Variants in ENPP6 observed in about 807,000 individuals in gnomAD.
ENPP6 encodes the protein glycerophosphocholine cholinephosphodiesterase ENPP6.
Under a neutral mutation model 42.0 loss-of-function variants are expected in ENPP6, and 32 were observed. That is an observed-to-expected ratio of 0.76 (90% CI 0.58 to 1.02). The LOEUF (loss-of-function observed/expected upper bound fraction) is 1.02. Among genes scored for constraint, ENPP6 ranks in the 50% least tolerant of loss-of-function variants. The pLI is 0.00. For synonymous variants in ENPP6, 213 were observed against 216.0 expected (o/e 0.99, Z 0.12); for missense variants, 552 against 566.8 (o/e 0.97, Z 0.27).
In ENPP6 at chr4:184,169,994, T is replaced by TACTG. The variant is rs1286898663; in HGVS notation, c.242-16265_242-16262dup. Among the ~76,000 whole-genome samples the TACTG allele has an allele frequency of 2.0e-5, 3 of 152,234 alleles. No homozygotes were observed. In the East Asian group the frequency reaches 5.8e-4, roughly 29 times the overall value. ...TAAATACTTCTGTGCCTGTCTCTAGTACTGAGGTACTTTTAAAAAAACATA... is the reference window on the plus strand; with the variant it reads ...TAAATACTTCTGTGCCTGTCTCTAGTACTGACTGAGGTACTTTTAAAAAAACATA... On this transcript the variant is annotated intron_variant, in intron 1 of 7. Transcript: ENST00000296741.
At chr4:184,137,560 A>G (rs1037485664) in intron 2 of ENPP6, among the ~76,000 whole-genome samples, 8 of 152,222 alleles carry the variant, frequency 5.3e-5, no homozygotes, top group African/African-American at 1.9e-4. Flanking sequence ...GTGAGCACAC[A>G]GTTTTGCTCA....
chr4:184,097,232 T>C lies in ENPP6; in HGVS notation c.1117+13A>G. 6.2e-7 allele frequency: 1 copy of C among 1,614,100 alleles called. No individual in the cohort carries two copies. Among genetic ancestry groups the C allele is most frequent in the Non-Finnish European group, 8.5e-7 (1 of 1,179,986 alleles). On this transcript the variant is annotated intron_variant, in intron 7 of 7. Transcript: ENST00000296741. Reference sequence around the variant, plus strand: ...AATGGGGTCTGAGAGCATCTGGTCATTTCCTCGCCTACCAGGTCCGAAGGC... The same window carrying C: ...AATGGGGTCTGAGAGCATCTGGTCACTTCCTCGCCTACCAGGTCCGAAGGC...
intron 5 of ENPP6, among the ~76,000 whole-genome samples, chr4:184,116,051 T>TAA (rs1006432047): frequency 1.8e-4 from 25 of 142,584 alleles, no homozygotes; most frequent in African/African-American, 5.6e-4. Context: ...CCGTCTCTAC[T>TAA]AAAAAAAAAA....
At chr4:184,161,026 AC>A (rs1451124274) in intron 1 of ENPP6, among the ~76,000 whole-genome samples, 2 of 152,218 alleles carry the variant, frequency 1.3e-5, no homozygotes, top group Admixed American at 6.5e-5. Context: ...AACAAACACA[AC>A]AAAAACAAAA....
intron 2 of ENPP6, among the ~76,000 whole-genome samples, chr4:184,132,906 C>T (rs1736664021): frequency 6.6e-6 from 1 of 150,948 alleles, no homozygotes; most frequent in African/African-American, 2.4e-5. Context: ...TCTTTTATCA[C>T]TTTGTGGGAG....
chr4:184,174,920 CTT>C (rs1165464288), intron 1 of ENPP6, among the ~76,000 whole-genome samples: 1 of 152,246 alleles, frequency 6.6e-6, no homozygotes. Context: ...CTTACTGTCT[CTT>C]GTTTTCACTC....
intron 1 of ENPP6, among the ~76,000 whole-genome samples, chr4:184,167,818 G>T (rs867012087): frequency 1.7e-4 from 26 of 152,174 alleles, no homozygotes; most frequent in African/African-American, 5.1e-4. Flanking sequence ...GATCACCGGT[G>T]ATCTGCATAT....
At chr4:184,191,935 C>T (rs1231986635) in intron 1 of ENPP6, among the ~76,000 whole-genome samples, 3 of 152,074 alleles carry the variant, frequency 2.0e-5, no homozygotes, top group Admixed American at 6.5e-5. Context: ...AAAGAAGTAC[C>T]AAATGTACGC....
intron 1 of ENPP6, among the ~76,000 whole-genome samples, chr4:184,163,658 C>T (rs1737302659): frequency 6.6e-6 from 1 of 152,198 alleles, no homozygotes; most frequent in Non-Finnish European, 1.5e-5. Flanking sequence ...AGGAATTCCT[C>T]AATTGCATGA....
chr4:184,191,312 G>T (rs1249698846), intron 1 of ENPP6, among the ~76,000 whole-genome samples: 3 of 152,188 alleles, frequency 2.0e-5, no homozygotes. Flanking sequence ...CTACTTTATA[G>T]GGTTTTATGA....
intron 6 of ENPP6, among the ~76,000 whole-genome samples, chr4:184,111,918 T>C (rs1736201982): frequency 6.6e-6 from 1 of 152,232 alleles, no homozygotes. Context: ...TACTCTCATG[T>C]ACCCTGGAGC....
chr4:184,091,445 G>C, intron 7 of ENPP6, 63 bp from the exon 8 acceptor site: 1 of 1,443,964 alleles, frequency 6.9e-7, no homozygotes. Flanking sequence ...TGGGCTGAAC[G>C]CAATAAAGAA....
In ENPP6 at chr4:184,101,446, C is replaced by T. The variant is rs529327038; in HGVS notation, c.994-4078G>A. 4.6e-5 allele frequency among the ~76,000 whole-genome samples: 7 copies of T among 151,906 alleles called. No individual in the cohort carries two copies. In the South Asian group the frequency reaches 1.5e-3, roughly 32 times the overall value. On this transcript the variant is annotated intron_variant, in intron 6 of 7. Coordinates refer to ENST00000296741, the MANE Select transcript of ENPP6 (RefSeq NM_153343.4). ...GGGTGGGGTCGCTCCAAGGGTCCTG[C>T]AGTGACAGAATCCTGGAACTCCAAG...
rs538397042 is a variant in ENPP6, at chr4:184,206,551, C to T, written c.241+11028G>A. Among the ~76,000 whole-genome samples the T allele has an allele frequency of 4.6e-5, 7 of 152,218 alleles. No homozygotes were observed. The South Asian group carries it at 8.3e-4, about 18-fold the overall frequency. ...GATTACAGGCGTGAGCCACCGCGCC[C>T]GGCCAGGAAGCTTGAATTCTGCAGA... On this transcript the variant is annotated intron_variant, in intron 1 of 7. Transcript: ENST00000296741.
chr4:184,139,168 A>G (rs1736778821), intron 2 of ENPP6, among the ~76,000 whole-genome samples: 2 of 152,232 alleles, frequency 1.3e-5, no homozygotes, highest in African/African-American at 4.8e-5. Flanking sequence ...CAAAAGGGAA[A>G]ACATCTGCCC....
rs764988271 is a variant in ENPP6, at chr4:184,124,191, T to C, written c.503A>G (p.Asn168Ser). The change falls in exon 3 of 8, where the codon AAT (asparagine) becomes AGT (serine). Residue 168 changes from asparagine (N) to serine (S), a missense_variant. Asn to Ser is a conservative substitution (Grantham distance 46). Around this residue, in one of 2 missense-constraint regions of ENPP6, gnomAD observed 545 missense variants for 546.3 expected, o/e 1.00. Coordinates refer to ENST00000296741, the MANE Select transcript of ENPP6 (RefSeq NM_153343.4). ...GGAGTCAAGAGCATCGCTGACTGCA[T>C]TGGCAAAATTGATATCCGTTGGGAC... ...KNVPTDINFANAVSDALDSFK... is the reference protein window; with the variant it reads ...KNVPTDINFASAVSDALDSFK... The C allele has an allele frequency of 5.0e-6, 8 of 1,614,018 alleles. No homozygotes were observed. The highest frequency in any genetic ancestry group is 1.6e-4 in the Middle Eastern group (1 of 6,062).
At chr4:184,162,547 A>AGAAGGAGGGAGGGAAGGAGGGAAG (rs112158447) in intron 1 of ENPP6, among the ~76,000 whole-genome samples, 845 of 34,552 alleles carry the variant, frequency 0.024, 18 homozygotes, top group South Asian at 0.23. Context: ...GAGGGAGGGA[A>AGAAGGAGGGAGGGAAGGAGGGAAG]GAAGGAAGGA....
chr4:184,142,712 T>C lies in ENPP6; in HGVS notation c.421+10842A>G, dbSNP rs79684504. On this transcript the variant is annotated intron_variant, in intron 2 of 7. Coordinates refer to ENST00000296741, the MANE Select transcript of ENPP6 (RefSeq NM_153343.4). ...CCTACTGGGCACACAAAGTGACTAA[T>C]AGGAAACCAAGATGAGAGGGAACGT... Among the ~76,000 whole-genome samples the C allele has an allele frequency of 2.7e-3, 417 of 152,272 alleles. 7 individuals carry two copies. The East Asian group carries it at 0.057, about 21-fold the overall frequency.
intron 1 of ENPP6, among the ~76,000 whole-genome samples, chr4:184,160,659 G>A (rs1351318518): frequency 6.6e-6 from 1 of 151,702 alleles, no homozygotes; most frequent in Non-Finnish European, 1.5e-5. Flanking sequence ...AGTATTGGGG[G>A]AGAGTCACAC....
Sources: gnomAD v4.1 joint callset for allele counts (sites outside exome capture counted in the v4.1 genomes callset) on GRCh38, gnomAD v4.1.1 for gene constraint, gnomAD v4.1.1 regional missense constraint, MANE v1.5 for transcripts, NCBI Gene and HGNC (gene_info 2026-07-23, HGNC 2026-07-21) for gene names.